Variants in SGCZ observed in about 807,000 individuals in gnomAD.
SGCZ encodes the protein sarcoglycan zeta.
In SGCZ, 40 loss-of-function variants were observed where a neutral mutation model predicts 41.3. That is an observed-to-expected ratio of 0.97 (90% CI 0.75 to 1.26). The LOEUF (loss-of-function observed/expected upper bound fraction) is 1.26. Among genes scored for constraint, SGCZ ranks in the 50% most tolerant of loss-of-function variants. SGCZ has a pLI of 0.00. For synonymous variants in SGCZ, 206 were observed against 137.5 expected, an observed-to-expected ratio of 1.50 and a Z score of -3.49; for missense variants, 552 against 369.8, an observed-to-expected ratio of 1.49 and a Z score of -4.04.
intron 1 of SGCZ, among the ~76,000 whole-genome samples, chr8:14,749,935 G>T (rs2130312376): frequency 6.6e-6 from 1 of 152,150 alleles, no homozygotes; most frequent in African/African-American, 2.4e-5. Flanking sequence ...GATATACACT[G>T]CATTGTTGAA....
intron 2 of SGCZ, among the ~76,000 whole-genome samples, chr8:14,495,528 A>C (rs1252447380): frequency 6.6e-6 from 1 of 152,190 alleles, no homozygotes; most frequent in Non-Finnish European, 1.5e-5. Flanking sequence ...TGTTTTCAGC[A>C]TGTAGTCATA....
chr8:14,526,061 G>A (rs10106807), intron 2 of SGCZ, among the ~76,000 whole-genome samples: 1 of 151,842 alleles, frequency 6.6e-6, no homozygotes, highest in Non-Finnish European at 1.5e-5. Flanking sequence ...ATTCGAAAAA[G>A]TATTTTGATA....
intron 1 of SGCZ, among the ~76,000 whole-genome samples, chr8:14,837,943 T>C (rs940775503): frequency 1.3e-5 from 2 of 152,144 alleles, no homozygotes; most frequent in Non-Finnish European, 2.9e-5. Context: ...TCCACTCTTT[T>C]AGTTATTTCG....
chr8:15,127,299 T>C (rs80340678), intron 1 of SGCZ, among the ~76,000 whole-genome samples: 170 of 150,996 alleles, frequency 1.1e-3, no homozygotes, highest in African/African-American at 4.0e-3. Flanking sequence ...TATACATACA[T>C]GGCATACCAG....
At chr8:14,173,591 C>T (rs1480192127) in intron 4 of SGCZ, among the ~76,000 whole-genome samples, 1 of 151,876 alleles carries the variant, frequency 6.6e-6, no homozygotes, top group African/African-American at 2.4e-5. Flanking sequence ...TAAATGAAGA[C>T]TAGGAAAAGC....
intron 1 of SGCZ, among the ~76,000 whole-genome samples, chr8:15,156,925 CAA>C (rs1444501663): frequency 8.2e-6 from 1 of 122,084 alleles, no homozygotes. Flanking sequence ...GCCTGGGCAA[CAA>C]GAGGGAAACT....
intron 1 of SGCZ, among the ~76,000 whole-genome samples, chr8:14,733,024 C>T (rs1798913850): frequency 6.6e-6 from 1 of 152,126 alleles, no homozygotes; most frequent in Non-Finnish European, 1.5e-5. Context: ...TGGAACTGTG[C>T]TCTCAGGGAC....
intron 1 of SGCZ, among the ~76,000 whole-genome samples, chr8:14,569,764 A>G (rs549120152): frequency 6.6e-6 from 1 of 152,160 alleles, no homozygotes; most frequent in African/African-American, 2.4e-5. Flanking sequence ...TTTTGAGTAA[A>G]GTCCAGGAGG....
intron 2 of SGCZ, among the ~76,000 whole-genome samples, chr8:14,470,133 C>T (rs1294554861): frequency 1.3e-5 from 2 of 151,912 alleles, no homozygotes; most frequent in Non-Finnish European, 2.9e-5. Context: ...AGGTAGACAG[C>T]ATCAGAACTG....
At chr8:14,388,778 T>C (rs1177655533) in intron 2 of SGCZ, among the ~76,000 whole-genome samples, 1 of 151,176 alleles carries the variant, frequency 6.6e-6, no homozygotes, top group Non-Finnish European at 1.5e-5. Flanking sequence ...AAGTTTACTA[T>C]GTAAAAAACC....
At chr8:14,597,332 T>G (rs574765866) in intron 1 of SGCZ, among the ~76,000 whole-genome samples, 1 of 152,244 alleles carries the variant, frequency 6.6e-6, no homozygotes, top group African/African-American at 2.4e-5. Flanking sequence ...TAAGTTAGAA[T>G]GGGAGAGAAA....
intron 3 of SGCZ, among the ~76,000 whole-genome samples, chr8:14,266,939 T>C (rs1447500615): frequency 2.0e-5 from 3 of 152,142 alleles, no homozygotes; most frequent in Non-Finnish European, 4.4e-5. Context: ...GAATTTCTTT[T>C]ACTAGCTAAA....
intron 1 of SGCZ, among the ~76,000 whole-genome samples, chr8:15,094,286 C>A (rs188617790): frequency 1.3e-5 from 2 of 152,112 alleles, no homozygotes; most frequent in African/African-American, 4.8e-5. Context: ...AGGCGTGCAC[C>A]ACCATGCCTA....
At chr8:15,189,036 A>G (rs763057585) in intron 1 of SGCZ, among the ~76,000 whole-genome samples, 2 of 152,240 alleles carry the variant, frequency 1.3e-5, no homozygotes, top group African/African-American at 2.4e-5. Flanking sequence ...CCATAAAACT[A>G]TTAAAAGCTT....
chr8:14,327,127 A>C (rs2117041219), intron 2 of SGCZ, among the ~76,000 whole-genome samples: 1 of 152,298 alleles, frequency 6.6e-6, no homozygotes, highest in Middle Eastern at 3.4e-3. Flanking sequence ...ACTAATGATG[A>C]AGGTCAATGG....
intron 2 of SGCZ, among the ~76,000 whole-genome samples, chr8:14,375,461 T>C (rs888365781): frequency 6.6e-6 from 1 of 152,230 alleles, no homozygotes; most frequent in South Asian, 2.1e-4. Context: ...TTTATCTATT[T>C]AGATCTTTAT....
chr8:14,148,824 G>C (rs749380942), intron 5 of SGCZ, among the ~76,000 whole-genome samples: 7 of 151,988 alleles, frequency 4.6e-5, no homozygotes, highest in Non-Finnish European at 8.8e-5. Flanking sequence ...CAATGCATTA[G>C]AAAAATCATT....
intron 1 of SGCZ, among the ~76,000 whole-genome samples, chr8:14,854,163 A>C (rs1281624254): frequency 1.3e-5 from 2 of 150,658 alleles, no homozygotes; most frequent in Middle Eastern, 3.5e-3. Context: ...TATTAGTTTG[A>C]TTTTTGTGTT....
intron 1 of SGCZ, among the ~76,000 whole-genome samples, chr8:15,223,019 A>G (rs1801655117): frequency 6.6e-6 from 1 of 152,166 alleles, no homozygotes; most frequent in Non-Finnish European, 1.5e-5. Flanking sequence ...GTTTCAGACA[A>G]TTTGGGAAAT....
Sources: gnomAD v4.1 joint callset for allele counts (sites outside exome capture counted in the v4.1 genomes callset) on GRCh38, gnomAD v4.1.1 for gene constraint, MANE v1.5 for transcripts, NCBI Gene and HGNC (gene_info 2026-07-23, HGNC 2026-07-21) for gene names.